Variants in TBC1D30 observed in about 807,000 individuals in gnomAD.
TBC1D30 encodes the protein TBC1 domain family member 30, also known as TBC1 domain family, member 30.
A neutral mutation model predicts 63.2 loss-of-function variants in TBC1D30; 31 were observed. That is an observed-to-expected ratio of 0.49 (90% CI 0.37 to 0.66). TBC1D30 has a LOEUF of 0.66. Ranked by LOEUF, TBC1D30 falls within the 30% of genes least tolerant of loss-of-function variation. The pLI, the probability that TBC1D30 is intolerant of heterozygous loss-of-function variation, is 0.00. For missense variants in TBC1D30, 810 were observed against 953.6 expected (o/e 0.85, Z 1.98); for synonymous variants, 307 against 361.5 (o/e 0.85, Z 1.71).
At chr12:64,770,634 C>T (rs917158298) in intron 1 of TBC1D30, among the ~76,000 whole-genome samples, 1 of 152,132 alleles carries the variant, frequency 6.6e-6, no homozygotes, top group South Asian at 2.1e-4. Context: ...CCTAGCTTGG[C>T]ATAATTCCAC....
chr12:64,820,567 C>A (rs1238897333), upstream of TBC1D30, among the ~76,000 whole-genome samples: 1 of 152,176 alleles, frequency 6.6e-6, no homozygotes, highest in East Asian at 1.9e-4. Context: ...CCATTGTAGA[C>A]TGTGGCAGTG....
chr12:64,867,778 T>G (rs1478522888), intron 10 of TBC1D30, among the ~76,000 whole-genome samples: 1 of 152,204 alleles, frequency 6.6e-6, no homozygotes, highest in East Asian at 1.9e-4. Context: ...AGAAACTTAT[T>G]ATTTCACAAG....
intron 11 of TBC1D30, among the ~76,000 whole-genome samples, chr12:64,872,209 G>A (rs1376946456): frequency 6.6e-6 from 1 of 152,074 alleles, no homozygotes; most frequent in Non-Finnish European, 1.5e-5. Flanking sequence ...TGTATTTTTA[G>A]TAGAGACGGG....
At chr12:64,807,031 G>A (rs1364627773) in intron 2 of TBC1D30, among the ~76,000 whole-genome samples, 4 of 152,198 alleles carry the variant, frequency 2.6e-5, no homozygotes, top group African/African-American at 9.6e-5. Flanking sequence ...GCTGGGGAGA[G>A]AGAGAGTGAG....
intron 8 of TBC1D30, among the ~76,000 whole-genome samples, chr12:64,845,462 C>T (rs1424569692): frequency 6.6e-6 from 1 of 152,144 alleles, no homozygotes; most frequent in Non-Finnish European, 1.5e-5. Context: ...CGCGGTGGCT[C>T]ATGCCTGTAA....
intron 2 of TBC1D30, among the ~76,000 whole-genome samples, chr12:64,799,108 G>A (rs1253586368): frequency 6.6e-6 from 1 of 152,018 alleles, no homozygotes; most frequent in Non-Finnish European, 1.5e-5. Context: ...TTAAGAGCAG[G>A]GATGGAGAAA....
chr12:64,825,781 G>C (rs1008072717), intron 1 of TBC1D30, among the ~76,000 whole-genome samples: 29 of 152,238 alleles, frequency 1.9e-4, no homozygotes, highest in Admixed American at 6.5e-5. Flanking sequence ...TTTCTGGCAA[G>C]GAGTGGCTGC....
chr12:64,791,582 A>T (rs1329828998), intron 2 of TBC1D30, among the ~76,000 whole-genome samples: 4 of 151,992 alleles, frequency 2.6e-5, no homozygotes, highest in Admixed American at 2.6e-4. Context: ...TGGTGTGATC[A>T]CAGTTCATTG....
intron 2 of TBC1D30, among the ~76,000 whole-genome samples, chr12:64,793,619 C>G: frequency 6.6e-6 from 1 of 152,168 alleles, no homozygotes; most frequent in East Asian, 1.9e-4. Flanking sequence ...CAAGATTGCA[C>G]CACTGCACTC....
At chr12:64,863,004 A>T (rs956901748) in intron 8 of TBC1D30, among the ~76,000 whole-genome samples, 1 of 152,214 alleles carries the variant, frequency 6.6e-6, no homozygotes, top group African/African-American at 2.4e-5. Flanking sequence ...GAGCTAAGAC[A>T]TGATAGTAAG....
In TBC1D30 at chr12:64,875,569, C is replaced by T. The variant is rs775018375; in HGVS notation, c.2067C>T (p.Pro689=). ...ACTGCCCAGAGCCGCCGAGTGCACC[C>T]GAAGAAAACAAAGCCACCAGCAAAG... is the stretch of plus-strand genomic sequence containing the variant. The part of the protein sequence containing the change: ...QRHCPEPPSA[P]EENKATSKAP... The change falls in exon 12 of 12, where the codon CCC becomes CCT. Residue 689 remains proline (P), a synonymous_variant. Coordinates refer to ENST00000539867, the MANE Select transcript of TBC1D30 (RefSeq NM_015279.2). 24 of 1,535,918 alleles carry T rather than the reference C, an allele frequency of 1.6e-5. No individual in the cohort carries two copies. Among genetic ancestry groups the T allele is most frequent in the East Asian group, 2.4e-5 (1 of 40,906 alleles).
chr12:64,859,496 AC>A (rs1368532018), intron 8 of TBC1D30, among the ~76,000 whole-genome samples: 2 of 152,174 alleles, frequency 1.3e-5, no homozygotes, highest in African/African-American at 4.8e-5. Context: ...TTTCAAAGGG[AC>A]AAGTCTGACA....
In TBC1D30 at chr12:64,870,718, A is replaced by G; in HGVS notation, c.1408A>G (p.Met470Val). ...TTTTAACAGTATGATGATGGAACGC[A>G]TGACCACAGATATCAATGCACTGAA... is the stretch of plus-strand genomic sequence containing the variant. ...AAFNSMMMER[M>V]TTDINALKRQ... is the part of the protein sequence containing the mutation. The change falls in exon 11 of 12, where the codon ATG (methionine) becomes GTG (valine). Residue 470 changes from methionine to valine, a missense_variant. By Grantham distance (21) the Met-to-Val change is conservative (BLOSUM62 1). Around this residue, in one of 4 missense-constraint regions of TBC1D30, gnomAD observed 450 missense variants for 473.0 expected, o/e 0.95. Transcript: ENST00000539867. 6.5e-7 allele frequency: 1 copy of G among 1,536,148 alleles called. No homozygotes were observed. The highest frequency in any genetic ancestry group is 8.7e-7 in the Non-Finnish European group (1 of 1,146,896).
At chr12:64,781,443 A>G (rs1200224740) in intron 1 of TBC1D30, among the ~76,000 whole-genome samples, 1 of 152,182 alleles carries the variant, frequency 6.6e-6, no homozygotes, top group African/African-American at 2.4e-5. Context: ...GCACAGATTT[A>G]TGTCCACACT....
intron 7 of TBC1D30, among the ~76,000 whole-genome samples, chr12:64,841,419 G>A (rs951162020): frequency 1.3e-5 from 2 of 152,154 alleles, no homozygotes; most frequent in African/African-American, 2.4e-5. Flanking sequence ...GCCCACTGTG[G>A]TGTGTCCTCC....
Position 64,838,685 on chromosome 12 carries a change from G to A in TBC1D30, c.766G>A (p.Gly256Arg), listed in dbSNP as rs1305532618. The change falls in exon 7 of 12, where the codon GGA (glycine) becomes AGA (arginine). Residue 256 changes from glycine (G) to arginine (R), a missense_variant and splice_region_variant. Physicochemically the swap from Gly to Arg is moderately radical, Grantham distance 125. This residue lies in a region of TBC1D30 where 272 missense variants were observed against 335.9 expected (regional missense o/e 0.81). Transcript: ENST00000539867. ...TGAATGTGTTTGTTTTATTTCAGGT[G>A]GATATGAGCCCCCACTTACAAATGT... is the stretch of plus-strand genomic sequence containing the variant. ...QRTANKESGG[G>R]YEPPLTNVFT... The A allele has an allele frequency of 2.6e-6, 4 of 1,536,452 alleles. No individual in the cohort carries two copies. In the South Asian group the frequency reaches 3.6e-5, roughly 14 times the overall value.
chr12:64,845,948 G>A (rs753634314), intron 8 of TBC1D30, among the ~76,000 whole-genome samples: 1 of 152,162 alleles, frequency 6.6e-6, no homozygotes, highest in African/African-American at 2.4e-5. Context: ...ATAGGCGTGA[G>A]CCACCGTGCC....
chr12:64,874,167 C>T (rs750637984), intron 11 of TBC1D30, among the ~76,000 whole-genome samples: 10 of 152,228 alleles, frequency 6.6e-5, no homozygotes, highest in Non-Finnish European at 1.5e-4. Flanking sequence ...CAGCTCACTG[C>T]AACCTTCACC....
chr12:64,766,796 C>G (rs1242141555), intron 1 of TBC1D30, among the ~76,000 whole-genome samples: 1 of 152,084 alleles, frequency 6.6e-6, no homozygotes, highest in African/African-American at 2.4e-5. Context: ...TGTACTAGGC[C>G]ATAAAACAAA....
Sources: gnomAD v4.1 joint callset for allele counts (sites outside exome capture counted in the v4.1 genomes callset) on GRCh38, gnomAD v4.1.1 for gene constraint, gnomAD v4.1.1 regional missense constraint, MANE v1.5 for transcripts, NCBI Gene and HGNC (gene_info 2026-07-23, HGNC 2026-07-21) for gene names.